The following TNIK variants were observed in gnomAD, a reference collection of about 807,000 sequenced individuals.
The protein encoded by TNIK is TRAF2 and NCK-interacting protein kinase.
A neutral mutation model predicts 191.3 loss-of-function variants in TNIK; 49 were observed. That is an observed-to-expected ratio of 0.26 (90% CI 0.20 to 0.32). TNIK has a LOEUF of 0.32. Among genes scored for constraint, TNIK ranks in the 10% least tolerant of loss-of-function variants. TNIK has a pLI of 1.00. For synonymous variants in TNIK, 594 were observed against 600.9 expected (o/e 0.99, Z 0.17); for missense variants, 1,155 against 1,702.3 (o/e 0.68, Z 5.66).
chr3:171,110,684 T>A (rs752494936), intron 19 of TNIK, 30 bp downstream of exon 19: 1 of 1,553,156 alleles, frequency 6.4e-7, no homozygotes, highest in Non-Finnish European at 8.7e-7. Context: ...CCAGGCAGTA[T>A]TGCCAGGTAA....
intron 2 of TNIK, among the ~76,000 whole-genome samples, chr3:171,290,431 CTATTT>C (rs1199494991): frequency 6.6e-6 from 1 of 152,152 alleles, no homozygotes; most frequent in Non-Finnish European, 1.5e-5. Context: ...CTCATTGACT[CTATTT>C]TGAGTATTAA....
At chr3:171,291,736 T>C (rs1751705361) in intron 2 of TNIK, among the ~76,000 whole-genome samples, 1 of 152,224 alleles carries the variant, frequency 6.6e-6, no homozygotes, top group Non-Finnish European at 1.5e-5. Context: ...TTATCTTATC[T>C]GGGTTTCACT....
chr3:171,184,486 G>A (rs950024077), intron 7 of TNIK, among the ~76,000 whole-genome samples: 1 of 152,188 alleles, frequency 6.6e-6, no homozygotes, highest in African/African-American at 2.4e-5. Context: ...TCCTTTATAG[G>A]TGGGTGTGAA....
At chr3:171,252,343 T>C (rs1220753597) in intron 2 of TNIK, among the ~76,000 whole-genome samples, 4 of 152,160 alleles carry the variant, frequency 2.6e-5, no homozygotes, top group African/African-American at 9.7e-5. Flanking sequence ...ACTCAAGCTA[T>C]ATGGGCAGCC....
intron 30 of TNIK, 86 bp from the exon 31 acceptor site, chr3:171,066,821 T>A: frequency 6.9e-7 from 1 of 1,446,502 alleles, no homozygotes; most frequent in Non-Finnish European, 9.2e-7. Context: ...AAAAAAGAGG[T>A]TTTTGTTTAT....
chr3:171,439,356 A>AG (rs1726459628), intron 1 of TNIK, among the ~76,000 whole-genome samples: 1 of 151,594 alleles, frequency 6.6e-6, no homozygotes, highest in Admixed American at 6.6e-5. Flanking sequence ...AAAAAAAAAA[A>AG]GAAAAAGAAA....
At chr3:171,279,933 T>C (rs1232234437) in intron 2 of TNIK, among the ~76,000 whole-genome samples, 1 of 152,162 alleles carries the variant, frequency 6.6e-6, no homozygotes, top group Non-Finnish European at 1.5e-5. Flanking sequence ...CAGGTATCAG[T>C]ACATACCTAC....
At chr3:171,249,464 AG>A (rs1269407388) in intron 2 of TNIK, among the ~76,000 whole-genome samples, 17 of 152,172 alleles carry the variant, frequency 1.1e-4, no homozygotes, top group Admixed American at 1.0e-3. Context: ...TGCCAACTTA[AG>A]GGGGCTGGAG....
intron 18 of TNIK, 34 bp from the exon 19 acceptor site, chr3:171,110,911 T>C: frequency 4.6e-6 from 7 of 1,534,922 alleles, no homozygotes; most frequent in Non-Finnish European, 6.1e-6. Context: ...GGTTACACTC[T>C]CCAGACCTTG....
intron 2 of TNIK, among the ~76,000 whole-genome samples, chr3:171,359,200 C>T (rs1459986546): frequency 6.6e-6 from 1 of 152,142 alleles, no homozygotes; most frequent in Non-Finnish European, 1.5e-5. Context: ...GAGCCTCATA[C>T]CACCTCCCTG....
chr3:171,185,070 CAT>C (rs1737187852), intron 7 of TNIK, among the ~76,000 whole-genome samples: 1 of 152,114 alleles, frequency 6.6e-6, no homozygotes, highest in Admixed American at 6.5e-5. Context: ...TGGCAAAAAA[CAT>C]AACAGGACAG....
At chr3:171,254,803 T>C (rs1746647662) in intron 2 of TNIK, among the ~76,000 whole-genome samples, 1 of 152,230 alleles carries the variant, frequency 6.6e-6, no homozygotes, top group African/African-American at 2.4e-5. Flanking sequence ...TTTAATTCAA[T>C]TTCATAATCA....
intron 1 of TNIK, among the ~76,000 whole-genome samples, chr3:171,409,241 C>T (rs1302907762): frequency 1.3e-5 from 2 of 152,044 alleles, no homozygotes; most frequent in East Asian, 1.9e-4. Context: ...ATGTGGAAAA[C>T]AGGTAGTAAG....
chr3:171,453,123 T>C (rs768189653), intron 1 of TNIK, among the ~76,000 whole-genome samples: 5 of 152,232 alleles, frequency 3.3e-5, no homozygotes, highest in Non-Finnish European at 7.3e-5. Context: ...GGTTGCACAG[T>C]ATATATTTTG....
intron 2 of TNIK, among the ~76,000 whole-genome samples, chr3:171,308,881 A>ATTG (rs1753735165): frequency 6.6e-6 from 1 of 151,518 alleles, no homozygotes; most frequent in South Asian, 2.1e-4. Context: ...AATGGTTATT[A>ATTG]AAAAGTCAAA....
intron 9 of TNIK, among the ~76,000 whole-genome samples, chr3:171,172,964 C>T (rs1735498720): frequency 6.6e-6 from 1 of 152,200 alleles, no homozygotes; most frequent in Non-Finnish European, 1.5e-5. Flanking sequence ...AAGGTCAGCA[C>T]ACCGTTGATC....
chr3:171,191,529 C>G (rs961063433), intron 5 of TNIK, among the ~76,000 whole-genome samples: 3 of 152,218 alleles, frequency 2.0e-5, no homozygotes, highest in African/African-American at 7.2e-5. Context: ...TGAGCCACAG[C>G]ACCCGGCCTT....
chr3:171,091,417 C>T (rs1051792862), intron 23 of TNIK, among the ~76,000 whole-genome samples: 4 of 152,156 alleles, frequency 2.6e-5, no homozygotes, highest in African/African-American at 9.7e-5. Flanking sequence ...ACTTCTCAGC[C>T]TCCATATCAT....
At chr3:171,095,000 AAAG>A (rs1347853708) in intron 22 of TNIK, among the ~76,000 whole-genome samples, 3 of 152,216 alleles carry the variant, frequency 2.0e-5, no homozygotes, top group Admixed American at 6.5e-5. Flanking sequence ...ATGCTTCTAT[AAAG>A]AAGAAATATC....
Sources: gnomAD v4.1 joint callset for allele counts (sites outside exome capture counted in the v4.1 genomes callset) on GRCh38, gnomAD v4.1.1 for gene constraint, MANE v1.5 for transcripts, NCBI Gene and HGNC (gene_info 2026-07-23, HGNC 2026-07-21) for gene names.